Variants in NLGN1 observed in about 807,000 individuals in gnomAD.
NLGN1 encodes neuroligin 1.
Under a neutral mutation model 65.5 loss-of-function variants are expected in NLGN1, and 12 were observed. That is an observed-to-expected ratio of 0.18 (90% CI 0.12 to 0.30). The LOEUF is 0.30. Among genes scored for constraint, NLGN1 ranks in the 10% least tolerant of loss-of-function variants. The pLI, the probability that NLGN1 is intolerant of heterozygous loss-of-function variation, is 1.00. For missense variants in NLGN1, 750 were observed against 1,007.1 expected, an observed-to-expected ratio of 0.74 and a Z score of 3.46; for synonymous variants, 350 against 359.5, an observed-to-expected ratio of 0.97 and a Z score of 0.30.
chr3:174,035,813 T>C (rs1256259449), intron 4 of NLGN1, among the ~76,000 whole-genome samples: 3 of 152,070 alleles, frequency 2.0e-5, no homozygotes, highest in Admixed American at 1.3e-4. Context: ...TGAAACTGCC[T>C]GAAGAAATCC....
chr3:173,928,937 C>T (rs928028912), intron 4 of NLGN1, among the ~76,000 whole-genome samples: 1 of 151,864 alleles, frequency 6.6e-6, no homozygotes, highest in African/African-American at 2.4e-5. Context: ...TTCCAAAGTG[C>T]TGGATTACAG....
intron 4 of NLGN1, among the ~76,000 whole-genome samples, chr3:173,899,536 T>C (rs1289316444): frequency 1.3e-5 from 2 of 152,140 alleles, no homozygotes; most frequent in African/African-American, 2.4e-5. Context: ...AGCTGATTTA[T>C]ACAGCCCCTG....
chr3:173,521,759 G>T (rs1006543761), intron 2 of NLGN1, among the ~76,000 whole-genome samples: 1 of 151,998 alleles, frequency 6.6e-6, no homozygotes, highest in Non-Finnish European at 1.5e-5. Flanking sequence ...TTACATACTC[G>T]TTTAATCTTC....
intron 2 of NLGN1, among the ~76,000 whole-genome samples, chr3:173,460,025 A>G (rs1056931650): frequency 2.0e-5 from 3 of 152,120 alleles, no homozygotes; most frequent in Non-Finnish European, 2.9e-5. Flanking sequence ...TCTTAGATAC[A>G]ATAAACAATA....
chr3:173,706,523 G>A (rs1768066617), intron 3 of NLGN1, among the ~76,000 whole-genome samples: 1 of 152,050 alleles, frequency 6.6e-6, no homozygotes, highest in East Asian at 1.9e-4. Flanking sequence ...GAAAATTTTG[G>A]TTTCCACATC....
chr3:173,421,656 A>G (rs1191164226), intron 1 of NLGN1, among the ~76,000 whole-genome samples: 1 of 151,180 alleles, frequency 6.6e-6, no homozygotes, highest in Non-Finnish European at 1.5e-5. Context: ...GAAGACTGGG[A>G]TTACAGGTGT....
chr3:173,555,516 G>C (rs1741562222), intron 2 of NLGN1, among the ~76,000 whole-genome samples: 1 of 152,028 alleles, frequency 6.6e-6, no homozygotes, highest in Admixed American at 6.6e-5. Flanking sequence ...GTCTCACTCT[G>C]TCACCCAGCC....
At chr3:173,505,696 C>CA (rs1232582734) in intron 2 of NLGN1, among the ~76,000 whole-genome samples, 1 of 152,088 alleles carries the variant, frequency 6.6e-6, no homozygotes, top group Non-Finnish European at 1.5e-5. Flanking sequence ...GTCACTTCCT[C>CA]AGAAGCCCTT....
At chr3:174,003,936 C>G (rs1253045547) in intron 4 of NLGN1, among the ~76,000 whole-genome samples, 1 of 152,146 alleles carries the variant, frequency 6.6e-6, no homozygotes, top group Non-Finnish European at 1.5e-5. Flanking sequence ...AAAGCGTACT[C>G]TATAGTGGTA....
At chr3:174,154,977 A>G (rs1725102388) in intron 4 of NLGN1, among the ~76,000 whole-genome samples, 1 of 132,462 alleles carries the variant, frequency 7.5e-6, no homozygotes, top group African/African-American at 2.7e-5. Flanking sequence ...TATATATAAT[A>G]TATTATATTA....
At chr3:174,142,338 T>C (rs1722444101) in intron 4 of NLGN1, among the ~76,000 whole-genome samples, 1 of 152,216 alleles carries the variant, frequency 6.6e-6, no homozygotes. Context: ...GGCATTTAGT[T>C]TGCTTCCAGA....
At chr3:174,103,330 A>G (rs1712977909) in intron 4 of NLGN1, among the ~76,000 whole-genome samples, 3 of 152,204 alleles carry the variant, frequency 2.0e-5, no homozygotes, top group Non-Finnish European at 4.4e-5. Flanking sequence ...GCTGTATTTC[A>G]AAAATATTTT....
chr3:173,895,356 A>G (rs1345500577), intron 4 of NLGN1, among the ~76,000 whole-genome samples: 1 of 152,212 alleles, frequency 6.6e-6, no homozygotes, highest in Non-Finnish European at 1.5e-5. Context: ...AGATGCTAGC[A>G]GGTGATGATC....
intron 3 of NLGN1, among the ~76,000 whole-genome samples, chr3:173,726,256 A>C (rs919415699): frequency 3.3e-5 from 5 of 151,634 alleles, no homozygotes; most frequent in Non-Finnish European, 5.9e-5. Flanking sequence ...GGAAGGAGTA[A>C]AATTTTGGTC....
chr3:173,524,483 C>T (rs774825881), intron 2 of NLGN1, among the ~76,000 whole-genome samples: 41 of 152,106 alleles, frequency 2.7e-4, no homozygotes, highest in Admixed American at 2.6e-3. Context: ...TAAGGGTTGT[C>T]CGTGTATACA....
In NLGN1 at chr3:173,897,107, C is replaced by T. The variant is rs541634828; in HGVS notation, c.646+89275C>T. Among the ~76,000 whole-genome samples the T allele has an allele frequency of 9.8e-5, 15 of 152,320 alleles. No homozygotes were observed. The East Asian group carries it at 2.7e-3, about 27-fold the overall frequency. On this transcript the variant is annotated intron_variant, in intron 4 of 6. Coordinates refer to ENST00000457714, the Ensembl canonical transcript of NLGN1. ...CTTTCTTCCCTTTCAAATTTAGCTA[C>T]TTTCTTCTTCAAACTCTCTATTCCA...
chr3:174,148,834 A>C (rs1723819207), intron 4 of NLGN1, among the ~76,000 whole-genome samples: 1 of 152,168 alleles, frequency 6.6e-6, no homozygotes, highest in East Asian at 1.9e-4. Context: ...GGTAAAGTAA[A>C]GCATTTATTA....
intron 2 of NLGN1, among the ~76,000 whole-genome samples, chr3:173,504,466 C>T (rs924175907): frequency 1.3e-5 from 2 of 151,960 alleles, no homozygotes; most frequent in African/African-American, 4.8e-5. Context: ...CAAAATCTAA[C>T]CTAAAAAGAG....
At chr3:174,155,921 T>G (rs1283222512) in intron 4 of NLGN1, among the ~76,000 whole-genome samples, 2 of 151,994 alleles carry the variant, frequency 1.3e-5, no homozygotes, top group Admixed American at 1.3e-4. Context: ...TTTGTTTCCT[T>G]ACAAGTGTTT....
Sources: gnomAD v4.1 joint callset for allele counts (sites outside exome capture counted in the v4.1 genomes callset) on GRCh38, gnomAD v4.1.1 for gene constraint, MANE v1.5 for transcripts, NCBI Gene and HGNC (gene_info 2026-07-23, HGNC 2026-07-21) for gene names.